MYO18B: variants seen among roughly 807,000 people sequenced by gnomAD.
The protein encoded by MYO18B is myosin XVIIIB.
A neutral mutation model predicts 273.0 loss-of-function variants in MYO18B; 204 were observed. The observed-to-expected ratio is 0.75, with a 90% CI of 0.67 to 0.84. The LOEUF (loss-of-function observed/expected upper bound fraction) is 0.84, where lower values mean the gene tolerates loss of function less well. Among genes scored for constraint, MYO18B ranks in the 40% least tolerant of loss-of-function variants. MYO18B has a pLI of 0.00. For missense variants in MYO18B, 3,212 were observed against 3,287.6 expected (o/e 0.98, Z 0.56); for synonymous variants, 1,330 against 1,305.7 (o/e 1.02, Z -0.40).
chr22:26,022,105 A>G (rs1447183167), intron 42 of MYO18B, among the ~76,000 whole-genome samples: 1 of 151,992 alleles, frequency 6.6e-6, no homozygotes, highest in Admixed American at 6.6e-5. Context: ...GCCCCTGCCT[A>G]TCCTGCCTCA....
intron 34 of MYO18B, among the ~76,000 whole-genome samples, chr22:25,921,767 CGT>C (rs1488038422): frequency 2.3e-5 from 3 of 129,492 alleles, no homozygotes; most frequent in South Asian, 2.5e-4. Context: ...TGCGTGTATG[CGT>C]GTGTGTGTGG....
intron 21 of MYO18B, among the ~76,000 whole-genome samples, chr22:25,864,084 C>T (rs1049748482): frequency 6.6e-6 from 1 of 152,132 alleles, no homozygotes; most frequent in Non-Finnish European, 1.5e-5. Context: ...TGCTTTGCTC[C>T]ATATAGGTGA....
At chr22:25,823,700 G>A (rs1729716735) in intron 13 of MYO18B, 22 bp downstream of exon 13, 14 of 1,613,314 alleles carry the variant, frequency 8.7e-6, no homozygotes, top group Non-Finnish European at 1.2e-5. Flanking sequence ...CTGCCTCTTT[G>A]GGTGAGCTGG....
chr22:25,940,609 A>G (rs949574382), intron 34 of MYO18B, among the ~76,000 whole-genome samples: 7 of 152,160 alleles, frequency 4.6e-5, no homozygotes, highest in African/African-American at 1.7e-4. Context: ...TAACCACCAC[A>G]TGATACTGTG....
At chr22:25,802,423 A>G (rs9637345) in intron 12 of MYO18B, among the ~76,000 whole-genome samples, 10,140 of 152,102 alleles carry the variant, frequency 0.067, 585 homozygotes, top group East Asian at 0.21. Context: ...CAATTAACTC[A>G]ATCTCCAGCT....
intron 32 of MYO18B, among the ~76,000 whole-genome samples, chr22:25,909,524 A>T (rs2092114691): frequency 6.6e-6 from 1 of 152,164 alleles, no homozygotes; most frequent in African/African-American, 2.4e-5. Flanking sequence ...GGGTCAGGAG[A>T]TGGAATCTCT....
At chr22:25,987,196 T>C (rs1286797224) in intron 39 of MYO18B, among the ~76,000 whole-genome samples, 1 of 152,172 alleles carries the variant, frequency 6.6e-6, no homozygotes, top group Non-Finnish European at 1.5e-5. Flanking sequence ...CCTCTGAAGA[T>C]TGAGATGCTC....
rs755444615 is a variant in MYO18B, at chr22:25,891,423, TG to T, written c.4543+14del. ...ATCCCACTGGAGGAGGTGAGCAGCC[TG>T]GGACCCTTGGGGCTGGAAGGTGATG... On this transcript the variant is annotated intron_variant, in intron 27 of 43. Coordinates refer to ENST00000335473, the MANE Select transcript of MYO18B (RefSeq NM_032608.7). The T allele has an allele frequency of 6.6e-7, 1 of 1,507,274 alleles. No homozygotes were observed. The highest frequency in any genetic ancestry group is 9.1e-7 in the Non-Finnish European group (1 of 1,101,232). 93.4% of individuals were successfully genotyped at this position (1,507,274 alleles called of 1,614,324 possible).
rs567628934 is a variant in MYO18B, at chr22:25,866,381, G to A, written c.3886-1939G>A. On this transcript the variant is annotated intron_variant, in intron 21 of 43. Coordinates refer to ENST00000335473, the MANE Select transcript of MYO18B (RefSeq NM_032608.7). ...AAAGCCTGCACCACTATTTGACAAG[G>A]GGAAGATTCCATTAAATGGCGATTA... Among the ~76,000 whole-genome samples the A allele has an allele frequency of 3.3e-3, 503 of 152,208 alleles. 1 individual carries two copies. The highest frequency in any genetic ancestry group is 4.9e-3 in the Non-Finnish European group (330 of 68,006).
the MYO18B span, among the ~76,000 whole-genome samples, chr22:26,054,399 C>A: frequency 6.6e-6 from 1 of 152,084 alleles, no homozygotes; most frequent in Non-Finnish European, 1.5e-5. Flanking sequence ...CAGCAGAGCC[C>A]CATGCCAGAG....
At chr22:26,017,983 T>G (rs1935512216) in intron 42 of MYO18B, among the ~76,000 whole-genome samples, 1 of 122,252 alleles carries the variant, frequency 8.2e-6, no homozygotes, top group Non-Finnish European at 1.7e-5. Context: ...TTTTTTTTTT[T>G]TTTTTTTGCG....
chr22:25,948,035 G>A (rs115447535), intron 36 of MYO18B, among the ~76,000 whole-genome samples: 1,925 of 152,252 alleles, frequency 0.013, 39 homozygotes, highest in African/African-American at 0.043. Flanking sequence ...TCTGGAGGAC[G>A]TGTCCACCAT....
intron 39 of MYO18B, among the ~76,000 whole-genome samples, chr22:25,961,721 T>C (rs1390816779): frequency 6.6e-6 from 1 of 152,206 alleles, no homozygotes; most frequent in Non-Finnish European, 1.5e-5. Flanking sequence ...CGGGAAGGTC[T>C]GACTTCGGCC....
In MYO18B at chr22:25,875,460, G is replaced by A. The variant is rs554590321; in HGVS notation, c.4081-729G>A. On this transcript the variant is annotated intron_variant, in intron 23 of 43. Coordinates refer to ENST00000335473, the MANE Select transcript of MYO18B (RefSeq NM_032608.7). ...GAATCAGCTGCTGTGATGGTGATGA[G>A]GGAAAAGCATCTCTTGGCCTGTCTG... 2.0e-5 allele frequency among the ~76,000 whole-genome samples: 3 copies of A among 152,364 alleles called. No homozygotes were observed. In the East Asian group the frequency reaches 5.8e-4, roughly 29 times the overall value.
intron 33 of MYO18B, among the ~76,000 whole-genome samples, chr22:25,914,686 CTTTTTTTT>C (rs3070566): frequency 3.8e-3 from 193 of 50,846 alleles, no homozygotes; most frequent in African/African-American, 0.01. Context: ...AGTTTTGACT[CTTTTTTTT>C]TTTTTTTTTT....
At chr22:25,996,173 C>G (rs1933214691) in intron 40 of MYO18B, among the ~76,000 whole-genome samples, 1 of 152,196 alleles carries the variant, frequency 6.6e-6, no homozygotes, top group African/African-American at 2.4e-5. Flanking sequence ...CCTCTCTGAG[C>G]CTCCGTCTCT....
intron 42 of MYO18B, among the ~76,000 whole-genome samples, chr22:26,016,840 C>T (rs1935370421): frequency 6.6e-6 from 1 of 152,174 alleles, no homozygotes; most frequent in Admixed American, 6.5e-5. Flanking sequence ...GAGGCCCCAG[C>T]CCAGGCCAGA....
the MYO18B span, among the ~76,000 whole-genome samples, chr22:26,051,748 G>A: frequency 6.6e-6 from 1 of 152,224 alleles, no homozygotes; most frequent in Non-Finnish European, 1.5e-5. Flanking sequence ...TTAATGCATG[G>A]ACAAGCAGGA....
chr22:25,767,383 G>A (rs941043628), intron 3 of MYO18B, among the ~76,000 whole-genome samples: 1 of 152,212 alleles, frequency 6.6e-6, no homozygotes, highest in African/African-American at 2.4e-5. Context: ...TGGGAAGTGT[G>A]ATATGGGGAT....
Sources: allele counts gnomAD v4.1 joint callset (sites outside exome capture counted in the v4.1 genomes callset), GRCh38; gene constraint gnomAD v4.1.1; transcripts MANE v1.5; gene names NCBI Gene and HGNC (gene_info 2026-07-23, HGNC 2026-07-21).